Variants in KIAA1328 observed in about 807,000 individuals in gnomAD.
The protein encoded by KIAA1328 is KIAA1328, also known as protein hinderin.
KIAA1328 carries 52 observed loss-of-function variants against 68.1 expected under a neutral mutation model. The ratio of observed to expected loss-of-function variants is 0.76; its 90% CI spans 0.61 to 0.96. The LOEUF (loss-of-function observed/expected upper bound fraction) is 0.96, where lower values mean the gene tolerates loss of function less well. Ranked by LOEUF, KIAA1328 falls within the 40% of genes least tolerant of loss-of-function variation. The pLI is 0.00. For missense variants in KIAA1328, 641 were observed against 677.6 expected, an observed-to-expected ratio of 0.95 and a Z score of 0.60; for synonymous variants, 232 against 239.4, an observed-to-expected ratio of 0.97 and a Z score of 0.28.
At chr18:36,932,563 T>A (rs1490960641) in intron 5 of KIAA1328, among the ~76,000 whole-genome samples, 1 of 152,202 alleles carries the variant, frequency 6.6e-6, no homozygotes, top group Non-Finnish European at 1.5e-5. Context: ...ACATTTATTA[T>A]AATTACCTTG....
chr18:36,863,462 C>T (rs1271206098), intron 4 of KIAA1328, among the ~76,000 whole-genome samples: 3 of 152,010 alleles, frequency 2.0e-5, no homozygotes, highest in African/African-American at 7.2e-5. Flanking sequence ...ATGACTTTTC[C>T]TACTCTATTC....
At chr18:36,832,602 A>G (rs1057278525) in intron 1 of KIAA1328, 1 of 151,750 alleles carries the variant, frequency 6.6e-6, no homozygotes, top group African/African-American at 2.4e-5. Flanking sequence ...AAAAAAAAAA[A>G]AAAAGTTTTG....
intron 9 of KIAA1328, among the ~76,000 whole-genome samples, chr18:37,198,259 G>A (rs1281629354): frequency 6.6e-6 from 1 of 152,052 alleles, no homozygotes; most frequent in African/African-American, 2.4e-5. Context: ...TTAGATTATG[G>A]TGATAGTTGC....
At chr18:37,024,400 T>C (rs1048241974) in intron 6 of KIAA1328, among the ~76,000 whole-genome samples, 5 of 150,218 alleles carry the variant, frequency 3.3e-5, no homozygotes, top group African/African-American at 1.2e-4. Flanking sequence ...TATTATACTT[T>C]AAGTTCTAGG....
At chr18:37,133,773 C>G (rs752661592) in intron 7 of KIAA1328, among the ~76,000 whole-genome samples, 50 of 152,192 alleles carry the variant, frequency 3.3e-4, no homozygotes, top group Admixed American at 9.8e-4. Flanking sequence ...ATCGGCCCAC[C>G]TCAGCCTCCC....
At chr18:37,094,891 A>G (rs1010754285) in intron 7 of KIAA1328, among the ~76,000 whole-genome samples, 1 of 152,138 alleles carries the variant, frequency 6.6e-6, no homozygotes, top group Non-Finnish European at 1.5e-5. Context: ...TATTTCATTT[A>G]AATGCAAACC....
chr18:37,129,977 G>A (rs1420380420), intron 7 of KIAA1328, among the ~76,000 whole-genome samples: 1 of 152,158 alleles, frequency 6.6e-6, no homozygotes, highest in Non-Finnish European at 1.5e-5. Flanking sequence ...GTATGTTACT[G>A]AAGTATGTCT....
At chr18:37,081,863 C>T (rs1376516254) in intron 7 of KIAA1328, among the ~76,000 whole-genome samples, 1 of 152,092 alleles carries the variant, frequency 6.6e-6, no homozygotes, top group Non-Finnish European at 1.5e-5. Flanking sequence ...GGTCAAAATC[C>T]CACTAAAAAT....
At chr18:37,084,250 G>A (rs2057033006) in intron 7 of KIAA1328, 3 of 1,389,264 alleles carry the variant, frequency 2.2e-6, no homozygotes, top group Non-Finnish European at 9.6e-7. Context: ...TGAAGTCTCA[G>A]TTAAAACAAG....
At chr18:36,853,496 G>A (rs1297163833) in intron 4 of KIAA1328, among the ~76,000 whole-genome samples, 1 of 151,198 alleles carries the variant, frequency 6.6e-6, no homozygotes, top group Admixed American at 6.6e-5. Context: ...GTTACCCTGG[G>A]GTTTACAGTT....
chr18:36,894,120 C>A (rs1349356545), intron 5 of KIAA1328, among the ~76,000 whole-genome samples: 3 of 152,138 alleles, frequency 2.0e-5, no homozygotes, highest in African/African-American at 7.2e-5. Context: ...ACTGAAATTT[C>A]TTGACACCAA....
rs533107998 is a variant in KIAA1328, at chr18:37,090,785, A to G, written c.1232+23240A>G. The stretch of plus-strand genomic sequence containing the variant: ...ATAATTATTTAAATTTAGGTCATAC[A>G]TGCCCAGATGCCCCTAGACCTTAGA... On this transcript the variant is annotated intron_variant, in intron 7 of 9. Coordinates refer to ENST00000280020, the MANE Select transcript of KIAA1328 (RefSeq NM_020776.3). Among the ~76,000 whole-genome samples the G allele has an allele frequency of 7.9e-5, 12 of 152,328 alleles. No individual in the cohort carries two copies. In the South Asian group the frequency reaches 8.3e-4, roughly 11 times the overall value.
chr18:36,868,061 G>A (rs904766487), intron 4 of KIAA1328, among the ~76,000 whole-genome samples: 3 of 152,174 alleles, frequency 2.0e-5, no homozygotes, highest in African/African-American at 7.2e-5. Flanking sequence ...ATCTGTATAT[G>A]CTCAGGAAAC....
intron 5 of KIAA1328, among the ~76,000 whole-genome samples, chr18:36,933,159 G>A (rs904002812): frequency 2.6e-5 from 4 of 151,964 alleles, no homozygotes; most frequent in African/African-American, 7.2e-5. Flanking sequence ...TACATTGAAG[G>A]TCTCTTGTTA....
chr18:36,949,298 G>T (rs1598795050), intron 5 of KIAA1328, among the ~76,000 whole-genome samples: 1 of 152,280 alleles, frequency 6.6e-6, no homozygotes, highest in East Asian at 1.9e-4. Context: ...GTTTTTAATA[G>T]AAATGTTTTC....
intron 7 of KIAA1328, among the ~76,000 whole-genome samples, chr18:37,144,459 C>G (rs890942037): frequency 8.6e-5 from 13 of 151,948 alleles, no homozygotes; most frequent in Non-Finnish European, 2.9e-5. Flanking sequence ...TTTCTTGCTT[C>G]ATAAGATAGA....
At chr18:37,151,455 T>G (rs1407243558) in intron 7 of KIAA1328, among the ~76,000 whole-genome samples, 3 of 152,202 alleles carry the variant, frequency 2.0e-5, no homozygotes, top group African/African-American at 7.2e-5. Context: ...GTGAAAGGAC[T>G]AGAATAGCAG....
intron 4 of KIAA1328, among the ~76,000 whole-genome samples, chr18:36,868,590 A>G (rs2047834663): frequency 6.6e-6 from 1 of 152,162 alleles, no homozygotes; most frequent in Non-Finnish European, 1.5e-5. Context: ...TGTACTGTAG[A>G]CCTGGTCTTT....
At chr18:36,890,885 A>G (rs977083306) in intron 5 of KIAA1328, among the ~76,000 whole-genome samples, 2 of 152,182 alleles carry the variant, frequency 1.3e-5, no homozygotes, top group African/African-American at 2.4e-5. Flanking sequence ...TTCTGGAGCT[A>G]GACAAGTTGG....
Sources: gnomAD v4.1 joint callset for allele counts (sites outside exome capture counted in the v4.1 genomes callset) on GRCh38, gnomAD v4.1.1 for gene constraint, MANE v1.5 for transcripts, NCBI Gene and HGNC (gene_info 2026-07-23, HGNC 2026-07-21) for gene names.